POLR3B: variants seen among roughly 807,000 people sequenced by gnomAD.
POLR3B encodes RNA polymerase III subunit B.
POLR3B carries 96 observed loss-of-function variants against 147.4 expected under a neutral mutation model. That is an observed-to-expected ratio of 0.65 (90% CI 0.55 to 0.77). The LOEUF (loss-of-function observed/expected upper bound fraction) is 0.77. Ranked by LOEUF, POLR3B falls within the 30% of genes least tolerant of loss-of-function variation. POLR3B has a pLI of 0.00. For missense variants in POLR3B, 1,036 were observed against 1,413.5 expected (o/e 0.73, Z 4.28); for synonymous variants, 461 against 485.9 (o/e 0.95, Z 0.67).
chr12:106,508,280 T>G (rs901954744), intron 27 of POLR3B, among the ~76,000 whole-genome samples: 2 of 152,222 alleles, frequency 1.3e-5, no homozygotes, highest in Non-Finnish European at 2.9e-5. Context: ...TTGCCACTTT[T>G]GGGATTACAA....
intron 1 of POLR3B, among the ~76,000 whole-genome samples, chr12:106,359,298 C>T (rs2036432926): frequency 6.6e-6 from 1 of 151,194 alleles, no homozygotes; most frequent in South Asian, 2.1e-4. Flanking sequence ...TCTATAAGTG[C>T]ATGCAATAGG....
At chr12:106,483,848 T>A (rs2038303191) in intron 23 of POLR3B, among the ~76,000 whole-genome samples, 1 of 152,216 alleles carries the variant, frequency 6.6e-6, no homozygotes, top group Non-Finnish European at 1.5e-5. Context: ...ACATATTGCC[T>A]TTTCATCACA....
At chr12:106,440,221 A>T (rs1011118915) in intron 18 of POLR3B, among the ~76,000 whole-genome samples, 2 of 152,174 alleles carry the variant, frequency 1.3e-5, no homozygotes, top group African/African-American at 4.8e-5. Context: ...CTAGCTCATC[A>T]CATGAGCCTT....
intron 23 of POLR3B, among the ~76,000 whole-genome samples, chr12:106,494,960 CTA>C (rs2038457662): frequency 6.6e-6 from 1 of 152,070 alleles, no homozygotes; most frequent in Non-Finnish European, 1.5e-5. Context: ...AAATCGCAAA[CTA>C]TTGAAATAGT....
chr12:106,400,842 T>G (rs1445949311), intron 10 of POLR3B, among the ~76,000 whole-genome samples: 1 of 152,110 alleles, frequency 6.6e-6, no homozygotes, highest in Non-Finnish European at 1.5e-5. Context: ...AGAGGGAAAT[T>G]TATAGCACTA....
intron 9 of POLR3B, among the ~76,000 whole-genome samples, chr12:106,380,555 C>G (rs2036748033): frequency 6.6e-6 from 1 of 152,128 alleles, no homozygotes; most frequent in African/African-American, 2.4e-5. Flanking sequence ...TCTGCTCCAG[C>G]CTGGACAACA....
chr12:106,430,621 T>C (rs2037497807), intron 14 of POLR3B, 148 bp downstream of exon 14: 2 of 705,992 alleles, frequency 2.8e-6, no homozygotes, highest in East Asian at 5.4e-5. Flanking sequence ...AATATTGACA[T>C]GCTTGGAAGA....
chr12:106,497,910 A>G (rs907386135), intron 25 of POLR3B, among the ~76,000 whole-genome samples: 3 of 152,226 alleles, frequency 2.0e-5, no homozygotes, highest in Non-Finnish European at 2.9e-5. Flanking sequence ...CAAATATACT[A>G]CATAGTAATA....
intron 10 of POLR3B, among the ~76,000 whole-genome samples, chr12:106,397,514 T>C (rs1010038272): frequency 1.3e-5 from 2 of 152,192 alleles, no homozygotes; most frequent in Non-Finnish European, 2.9e-5. Flanking sequence ...TTAGGCATCA[T>C]AGTTTAGTGA....
At chr12:106,468,168 G>T (rs1236427750) in intron 23 of POLR3B, among the ~76,000 whole-genome samples, 1 of 152,068 alleles carries the variant, frequency 6.6e-6, no homozygotes, top group African/African-American at 2.4e-5. Context: ...ACTTCTTCCT[G>T]GTTTAGTCTT....
At chr12:106,428,767 G>T (rs2037468983) in intron 13 of POLR3B, among the ~76,000 whole-genome samples, 1 of 152,092 alleles carries the variant, frequency 6.6e-6, no homozygotes, top group Admixed American at 6.6e-5. Flanking sequence ...GGATATATAT[G>T]GTCGCTGTGT....
intron 23 of POLR3B, among the ~76,000 whole-genome samples, chr12:106,463,838 T>C (rs1276912891): frequency 6.6e-6 from 1 of 152,232 alleles, no homozygotes; most frequent in Admixed American, 6.5e-5. Flanking sequence ...TGTTTCATTC[T>C]CCTGCAGTTG....
chr12:106,422,043 T>G (rs2037380290), intron 12 of POLR3B, among the ~76,000 whole-genome samples: 1 of 152,240 alleles, frequency 6.6e-6, no homozygotes, highest in South Asian at 2.1e-4. Flanking sequence ...TGCTTTTAGT[T>G]GCAGCCATTT....
intron 23 of POLR3B, among the ~76,000 whole-genome samples, chr12:106,465,544 CGTGGTG>C (rs2137038887): frequency 6.6e-6 from 1 of 152,176 alleles, no homozygotes; most frequent in South Asian, 2.1e-4. Flanking sequence ...ATACACGTGC[CGTGGTG>C]GTTTGTACAC....
At chr12:106,437,250 A>C (rs1194351479) in intron 17 of POLR3B, 119 bp downstream of exon 17, 1 of 792,400 alleles carries the variant, frequency 1.3e-6, no homozygotes, top group African/African-American at 1.7e-5. Context: ...GCCTGTTAAA[A>C]ACCTATTTTG....
chr12:106,433,452 C>T (rs574195255), intron 15 of POLR3B, among the ~76,000 whole-genome samples: 1 of 152,206 alleles, frequency 6.6e-6, no homozygotes, highest in South Asian at 2.1e-4. Context: ...TGTTTGGACC[C>T]CAAGTTCATG....
chr12:106,403,864 TGAC>T (rs2037109842), intron 10 of POLR3B, among the ~76,000 whole-genome samples: 2 of 149,950 alleles, frequency 1.3e-5, no homozygotes, highest in South Asian at 4.3e-4. Context: ...TAATGCTAAA[TGAC>T]GAGTTAATGG....
At chr12:106,431,377 A>G (rs997531979) in intron 14 of POLR3B, among the ~76,000 whole-genome samples, 10 of 152,218 alleles carry the variant, frequency 6.6e-5, no homozygotes, top group Admixed American at 1.3e-4. Context: ...TGCTTCAGCT[A>G]ACTTCAAAAA....
chr12:106,401,138 G>T (rs1459087773), intron 10 of POLR3B, among the ~76,000 whole-genome samples: 3 of 152,018 alleles, frequency 2.0e-5, no homozygotes, highest in African/African-American at 7.2e-5. Context: ...GTGATAAAGG[G>T]GATATCACCA....
Sources: allele counts gnomAD v4.1 joint callset (sites outside exome capture counted in the v4.1 genomes callset), GRCh38; gene constraint gnomAD v4.1.1; transcripts MANE v1.5; gene names NCBI Gene and HGNC (gene_info 2026-07-23, HGNC 2026-07-21).